IGSF11: variants seen among roughly 807,000 people sequenced by gnomAD.
IGSF11 encodes CXADR like 1.
In IGSF11, 22 loss-of-function variants were observed where a neutral mutation model predicts 41.0. That is an observed-to-expected ratio of 0.54 (90% confidence interval 0.38 to 0.77). The LOEUF (loss-of-function observed/expected upper bound fraction) is 0.77. Ranked by LOEUF, IGSF11 falls within the 30% of genes least tolerant of loss-of-function variation. The pLI, the probability that IGSF11 is intolerant of heterozygous loss-of-function variation, is 0.00. For missense variants in IGSF11, 444 were observed against 530.8 expected, an observed-to-expected ratio of 0.84 and a Z score of 1.61; for synonymous variants, 219 against 201.3, an observed-to-expected ratio of 1.09 and a Z score of -0.74.
intron 6 of IGSF11, among the ~76,000 whole-genome samples, chr3:118,904,420 G>A (rs899758041): frequency 6.6e-6 from 1 of 152,144 alleles, no homozygotes; most frequent in African/African-American, 2.4e-5. Context: ...CTCTTCATTT[G>A]TATCCTCCTA....
intron 1 of IGSF11, among the ~76,000 whole-genome samples, chr3:119,131,960 A>C (rs2077488669): frequency 6.6e-6 from 1 of 152,116 alleles, no homozygotes; most frequent in Admixed American, 6.5e-5. Flanking sequence ...TAAGCTTCAT[A>C]AGTGAAGGAG....
chr3:118,943,256 A>G (rs181112106), intron 1 of IGSF11: 1 of 152,332 alleles, frequency 6.6e-6, no homozygotes, highest in Non-Finnish European at 1.5e-5. Flanking sequence ...TTTTTTAAAA[A>G]GGGGTCTCAG....
intron 1 of IGSF11, among the ~76,000 whole-genome samples, chr3:119,014,998 A>C (rs1938533111): frequency 6.7e-6 from 1 of 148,384 alleles, no homozygotes; most frequent in South Asian, 2.1e-4. Flanking sequence ...TACTAAAACA[A>C]CTTGGAAGTA....
intron 1 of IGSF11, among the ~76,000 whole-genome samples, chr3:118,934,180 G>A (rs1943073017): frequency 1.3e-5 from 2 of 152,100 alleles, no homozygotes; most frequent in South Asian, 4.1e-4. Context: ...CTGCTCCATA[G>A]TCTTCAATCT....
chr3:119,039,863 G>A (rs183293703), intron 1 of IGSF11, among the ~76,000 whole-genome samples: 1 of 152,168 alleles, frequency 6.6e-6, no homozygotes, highest in Non-Finnish European at 1.5e-5. Flanking sequence ...TTATGACGGA[G>A]ACAGTGAAAG....
chr3:118,980,309 T>G (rs1309545619), intron 1 of IGSF11, among the ~76,000 whole-genome samples: 1 of 152,178 alleles, frequency 6.6e-6, no homozygotes, highest in Non-Finnish European at 1.5e-5. Flanking sequence ...AAAGGAAATA[T>G]TTTATATTTA....
rs1387837067 is a variant in IGSF11, at chr3:119,060,851, T to C, written c.49+44293A>G. Among the ~76,000 whole-genome samples the C allele has an allele frequency of 3.3e-5, 5 of 152,332 alleles. No homozygotes were observed. The East Asian group carries it at 7.7e-4, about 23-fold the overall frequency. On this transcript the variant is annotated intron_variant, in intron 1 of 6. Transcript: ENST00000354673. ...TTCAGATTTTAGCCTGTCTTTTGTATCTGTTAATGAACACTCTTCCTTAAG... is the reference window on the plus strand; with the variant it reads ...TTCAGATTTTAGCCTGTCTTTTGTACCTGTTAATGAACACTCTTCCTTAAG...
At chr3:119,042,002 T>G (rs1366705225) in intron 1 of IGSF11, among the ~76,000 whole-genome samples, 4 of 152,166 alleles carry the variant, frequency 2.6e-5, no homozygotes, top group Admixed American at 2.6e-4. Flanking sequence ...AATAGGCCAA[T>G]TTTTCTTATG....
At chr3:118,945,407 T>A (rs1015321613) in intron 1 of IGSF11, among the ~76,000 whole-genome samples, 5 of 152,224 alleles carry the variant, frequency 3.3e-5, no homozygotes, top group Non-Finnish European at 7.3e-5. Flanking sequence ...TTATTACATA[T>A]CTATGCTTTC....
In IGSF11 at chr3:118,935,631, G is replaced by A. The variant is rs923253545; in HGVS notation, c.53-5356C>T. Among the ~76,000 whole-genome samples, 13 of 151,566 alleles carry A rather than the reference G, an allele frequency of 8.6e-5. 1 individual carries two copies. The highest frequency in any genetic ancestry group is 2.9e-4 in the African/African-American group (12 of 41,242). ...GAGAGAACTTTTAAATTAGGGCTGC[G>A]GTACACTAAAAGACTCACTCGCTCT... On this transcript the variant is annotated intron_variant, in intron 1 of 6. Transcript: ENST00000393775.
Position 118,900,994 on chromosome 3 carries a change from C to T in IGSF11, c.*1526G>A, listed in dbSNP as rs1343964004. 4 of 152,546 alleles carry T rather than the reference C, an allele frequency of 2.6e-5. No homozygotes were observed. The highest frequency in any genetic ancestry group is 5.9e-5 in the Non-Finnish European group (4 of 68,034). 9.4% of individuals were successfully genotyped at this position (152,546 alleles called of 1,614,324 possible). On this transcript the variant is annotated 3_prime_UTR_variant, in exon 7 of 7. Coordinates refer to ENST00000393775, the MANE Select transcript of IGSF11 (RefSeq NM_001015887.3). ...GAAGCCACTCCCTGTGAAGACTACGCTTGCAGGAGAAGAGAGCAAAAAGTA... is the reference window on the plus strand; with the variant it reads ...GAAGCCACTCCCTGTGAAGACTACGTTTGCAGGAGAAGAGAGCAAAAAGTA...
intron 1 of IGSF11, among the ~76,000 whole-genome samples, chr3:119,131,156 C>T (rs183967032): frequency 3.0e-4 from 46 of 152,264 alleles, no homozygotes; most frequent in Middle Eastern, 3.4e-3. Flanking sequence ...TCCAAAGGAT[C>T]GCAGCTCCTT....
intron 1 of IGSF11, among the ~76,000 whole-genome samples, chr3:119,032,765 T>C (rs1413944941): frequency 1.3e-5 from 2 of 152,266 alleles, no homozygotes; most frequent in African/African-American, 4.8e-5. Flanking sequence ...GAACTCATCA[T>C]ACATTCCCTG....
intron 1 of IGSF11, among the ~76,000 whole-genome samples, chr3:118,941,533 TAC>T (rs981727512): frequency 6.6e-6 from 1 of 152,206 alleles, no homozygotes; most frequent in African/African-American, 2.4e-5. Context: ...TGAAATGTAG[TAC>T]AGTCATTTGG....
intron 4 of IGSF11, among the ~76,000 whole-genome samples, chr3:118,925,436 A>G (rs1052301779): frequency 6.6e-6 from 1 of 152,192 alleles, no homozygotes; most frequent in Admixed American, 6.5e-5. Context: ...GAAGCTGCTA[A>G]ATTTCATTTT....
chr3:118,969,780 G>A (rs2107615998), intron 1 of IGSF11, among the ~76,000 whole-genome samples: 1 of 152,252 alleles, frequency 6.6e-6, no homozygotes. Flanking sequence ...AAATTCCAAA[G>A]GATTATAAAA....
In IGSF11 at chr3:119,111,900, C is replaced by G. The variant is rs147348913; in HGVS notation, c.-13-6695G>C. On this transcript the variant is annotated intron_variant, in intron 1 of 7. Transcript: ENST00000425327. ...GGGTATCAGCAGCGGTGCCTGCAGA[C>G]CAGCGGATTTTCGTGAACCACGAAT... Among the ~76,000 whole-genome samples, 640 of 152,328 alleles carry G rather than the reference C, an allele frequency of 4.2e-3. 25 individuals carry two copies. Among genetic ancestry groups the G allele is most frequent in the Admixed American group, 0.039 (601 of 15,292 alleles).
intron 1 of IGSF11, among the ~76,000 whole-genome samples, chr3:118,967,159 T>C (rs1041600872): frequency 4.6e-5 from 7 of 151,850 alleles, no homozygotes. Context: ...CAAGAATTAA[T>C]GCCAAAAAAA....
Position 118,902,540 on chromosome 3 carries a change from G to A in IGSF11, c.1276C>T (p.Arg426Trp), listed in dbSNP as rs144520595. 7.4e-4 allele frequency: 1,014 copies of A among 1,362,750 alleles called. No homozygotes were observed. Among genetic ancestry groups the A allele is most frequent in the Non-Finnish European group, 9.1e-4 (934 of 1,024,206 alleles). The allele number at this position is 1,362,750 out of a possible 1,614,324, so 84.4% of individuals were successfully genotyped here. ...AVPVMVPAQSRAGSLV is the reference protein window; with the variant it reads ...AVPVMVPAQSWAGSLV ...ATGTCCTATACCAAGGACCCGGCCC[G>A]ACTCTGGGCTGGTACCATGACAGGT... is the stretch of plus-strand genomic sequence containing the variant. The change falls in exon 7 of 7, where the codon CGG (arginine) becomes TGG (tryptophan). Residue 426 changes from arginine (R) to tryptophan (W), a missense_variant. By Grantham distance (101) the Arg-to-Trp change is moderately radical. This residue lies in a region of IGSF11 where 223 missense variants were observed against 226.2 expected (regional missense o/e 0.99). Transcript: ENST00000393775.
Sources: gnomAD v4.1 joint callset for allele counts (sites outside exome capture counted in the v4.1 genomes callset) on GRCh38, gnomAD v4.1.1 for gene constraint, gnomAD v4.1.1 regional missense constraint, MANE v1.5 for transcripts, NCBI Gene and HGNC (gene_info 2026-07-23, HGNC 2026-07-21) for gene names.